TRAPPC9: variants seen among roughly 807,000 people sequenced by gnomAD.
TRAPPC9 encodes IKK2 binding protein.
In TRAPPC9, 83 loss-of-function variants were observed where a neutral mutation model predicts 124.0. That is an observed-to-expected ratio of 0.67 (90% CI 0.56 to 0.80). The LOEUF (loss-of-function observed/expected upper bound fraction) is 0.80, where lower values mean the gene tolerates loss of function less well. Among genes scored for constraint, TRAPPC9 ranks in the 30% least tolerant of loss-of-function variants. The pLI is 0.00. For synonymous variants in TRAPPC9, 638 were observed against 617.5 expected (o/e 1.03, Z -0.49); for missense variants, 1,302 against 1,508.3 (o/e 0.86, Z 2.27).
At chr8:139,770,605 C>T (rs535372472) in intron 21 of TRAPPC9, among the ~76,000 whole-genome samples, 3 of 152,346 alleles carry the variant, frequency 2.0e-5, no homozygotes, top group Admixed American at 6.5e-5. Context: ...GACAGCTCAG[C>T]CAGCGTCTGG....
chr8:140,097,475 TCG>T lies in TRAPPC9; in HGVS notation c.2557-73398_2557-73397del, dbSNP rs2060473935. 1 of 152,270 alleles carries T rather than the reference TCG, an allele frequency of 6.6e-6. No homozygotes were observed. The highest frequency in any genetic ancestry group is 2.4e-5 in the African/African-American group (1 of 41,440). The allele number at this position is 152,270 out of a possible 1,614,324, so 9.4% of individuals were successfully genotyped here. On this transcript the variant is annotated intron_variant, in intron 17 of 22. Coordinates refer to ENST00000438773, the MANE Select transcript of TRAPPC9 (RefSeq NM_001160372.4). The surrounding 1 kb of genome is among the most constrained non-coding windows in gnomAD (Gnocchi z 4.2). ...CTGGCTGCGCAGCCTGTGTTGCCAG[TCG>T]CAGGGTAATACACTCGCCTGCATCG...
chr8:140,306,909 G>A (rs1245527975), intron 10 of TRAPPC9, among the ~76,000 whole-genome samples: 1 of 152,136 alleles, frequency 6.6e-6, no homozygotes, highest in Non-Finnish European at 1.5e-5. Context: ...CAGTGTGGTG[G>A]GATGAGTGGG....
At chr8:139,940,463 TG>T (rs546286125) in intron 19 of TRAPPC9, among the ~76,000 whole-genome samples, 4 of 151,994 alleles carry the variant, frequency 2.6e-5, no homozygotes, top group Non-Finnish European at 4.4e-5. Flanking sequence ...CATAATGAAA[TG>T]GGGGGGATTT....
chr8:140,120,298 C>T (rs2060960177), intron 17 of TRAPPC9, among the ~76,000 whole-genome samples: 1 of 152,174 alleles, frequency 6.6e-6, no homozygotes, highest in Admixed American at 6.5e-5. Context: ...TAAACAGAGC[C>T]AGCACCAAGC....
At chr8:139,967,793 CT>C (rs1397368421) in intron 19 of TRAPPC9, among the ~76,000 whole-genome samples, 2 of 152,206 alleles carry the variant, frequency 1.3e-5, no homozygotes, top group Non-Finnish European at 2.9e-5. Context: ...TAACTGGAAA[CT>C]GTATAATAAA....
At chr8:140,007,432 G>T (rs2131829483) in intron 18 of TRAPPC9, among the ~76,000 whole-genome samples, 1 of 152,274 alleles carries the variant, frequency 6.6e-6, no homozygotes, top group South Asian at 2.1e-4. Context: ...TGGGAATTAA[G>T]ACAATCCAAA....
At chr8:140,238,021 G>A (rs1461022057) in intron 16 of TRAPPC9, among the ~76,000 whole-genome samples, 5 of 152,306 alleles carry the variant, frequency 3.3e-5, no homozygotes, top group East Asian at 3.9e-4. Flanking sequence ...GTAGTGATCC[G>A]TAGAAATCAT....
intron 17 of TRAPPC9, among the ~76,000 whole-genome samples, chr8:140,128,322 A>ACCAGCT (rs1434896992): frequency 6.6e-6 from 1 of 152,208 alleles, no homozygotes; most frequent in East Asian, 1.9e-4. Flanking sequence ...TTTCATGGAA[A>ACCAGCT]CCAGCTCCAG....
intron 7 of TRAPPC9, among the ~76,000 whole-genome samples, chr8:140,387,304 A>G (rs994408021): frequency 6.6e-6 from 1 of 152,250 alleles, no homozygotes; most frequent in Admixed American, 6.5e-5. Flanking sequence ...CATTCAGGAC[A>G]TAGGCACGGG....
chr8:139,886,382 G>A (rs1016731483), intron 20 of TRAPPC9, among the ~76,000 whole-genome samples: 2 of 152,126 alleles, frequency 1.3e-5, no homozygotes, highest in African/African-American at 2.4e-5. Flanking sequence ...GTTTCACGTC[G>A]GTCCTGTTAT....
intron 20 of TRAPPC9, chr8:139,908,550 G>A (rs1326258359): frequency 6.6e-6 from 1 of 152,350 alleles, no homozygotes; most frequent in African/African-American, 2.4e-5. Flanking sequence ...CAGCGTGGGA[G>A]TTGCCTGCGG....
At chr8:139,804,524 C>CCA (rs1408322250) in intron 21 of TRAPPC9, among the ~76,000 whole-genome samples, 1 of 135,948 alleles carries the variant, frequency 7.4e-6, no homozygotes, top group South Asian at 2.5e-4. Flanking sequence ...ACCACCGCCA[C>CCA]CACACACAAC....
intron 10 of TRAPPC9, among the ~76,000 whole-genome samples, chr8:140,310,558 C>A (rs1300882759): frequency 1.3e-5 from 2 of 152,162 alleles, no homozygotes; most frequent in African/African-American, 4.8e-5. Flanking sequence ...TTTGCAAGGA[C>A]CCACTTTGCA....
chr8:139,975,927 CTTTTTTTTTT>C (rs528679775), intron 19 of TRAPPC9, among the ~76,000 whole-genome samples: 246 of 95,576 alleles, frequency 2.6e-3, no homozygotes, highest in African/African-American at 9.1e-3. Context: ...AAAGGACAGT[CTTTTTTTTTT>C]TTTTTTTTTT....
chr8:140,325,265 T>C (rs975378412), intron 9 of TRAPPC9, among the ~76,000 whole-genome samples: 1 of 152,202 alleles, frequency 6.6e-6, no homozygotes, highest in Non-Finnish European at 1.5e-5. Flanking sequence ...CCCAAACCAA[T>C]ATCTAAGTCT....
At chr8:139,868,934 G>T (rs1389244969) in intron 21 of TRAPPC9, among the ~76,000 whole-genome samples, 2 of 152,186 alleles carry the variant, frequency 1.3e-5, no homozygotes, top group African/African-American at 4.8e-5. Flanking sequence ...ACCTTGGAAG[G>T]AAGGAGTGGT....
chr8:140,457,136 G>A (rs571523997), intron 1 of TRAPPC9, among the ~76,000 whole-genome samples: 159 of 152,352 alleles, frequency 1.0e-3, no homozygotes, highest in South Asian at 4.8e-3. Context: ...CTCAGGGCGG[G>A]GAAAGCGCCG....
chr8:140,457,800 G>A (rs994316238), upstream of TRAPPC9: 3 of 1,025,436 alleles, frequency 2.9e-6, no homozygotes, highest in African/African-American at 1.7e-5. Context: ...CTGGGCCCCC[G>A]ATCCGTCCCG....
intron 19 of TRAPPC9, among the ~76,000 whole-genome samples, chr8:139,918,588 C>T (rs532731063): frequency 6.6e-6 from 1 of 152,342 alleles, no homozygotes; most frequent in Non-Finnish European, 1.5e-5. Flanking sequence ...TAGGACTCAG[C>T]CAGACACCGC....
Sources: allele counts gnomAD v4.1 joint callset (sites outside exome capture counted in the v4.1 genomes callset), GRCh38; gene constraint gnomAD v4.1.1; non-coding constraint Gnocchi (gnomAD v3.1); transcripts MANE v1.5; gene names NCBI Gene and HGNC (gene_info 2026-07-23, HGNC 2026-07-21).